Variants in ITGA2 observed in about 807,000 individuals in gnomAD.
ITGA2 encodes integrin subunit alpha 2, also known as integrin alpha-2.
In ITGA2, 101 loss-of-function variants were observed where a neutral mutation model predicts 146.3. The observed-to-expected ratio is 0.69, with a 90% CI of 0.59 to 0.81. The LOEUF (loss-of-function observed/expected upper bound fraction) is 0.81. ITGA2 is among the 40% of genes least tolerant of loss of function. The probability of loss-of-function intolerance (pLI) is 0.00; values close to 1 mark genes in which losing one functional copy is unlikely to be tolerated. For missense variants in ITGA2, 1,281 were observed against 1,402.7 expected, an observed-to-expected ratio of 0.91 and a Z score of 1.39; for synonymous variants, 477 against 487.1, an observed-to-expected ratio of 0.98 and a Z score of 0.27.
chr5:53,080,417 C>G, intron 24 of ITGA2, 94 bp from the exon 25 acceptor site: 3 of 913,626 alleles, frequency 3.3e-6, no homozygotes, highest in Non-Finnish European at 5.5e-6. Flanking sequence ...CTTACCACCT[C>G]GTAGTTGCCC....
In ITGA2 at chr5:53,065,873, C is replaced by T. The variant is rs1745123289; in HGVS notation, c.1839C>T (p.Ser613=). 6.2e-7 allele frequency: 1 copy of T among 1,611,814 alleles called. No homozygotes were observed. The highest frequency in any genetic ancestry group is 1.7e-5 in the Admixed American group (1 of 59,790). Reference sequence around the variant, plus strand: ...TGGGATCCGATGGAGCCTTTAGGAGCCATCTCCAGTACTTTGGGAGGTCCT... The same window carrying T: ...TGGGATCCGATGGAGCCTTTAGGAGTCATCTCCAGTACTTTGGGAGGTCCT... The part of the protein sequence containing the change: ...KILGSDGAFR[S]HLQYFGRSLD... Residue 613 remains serine, a synonymous_variant, in exon 15 of 30, where the codon AGC becomes AGT. Coordinates refer to ENST00000296585, the MANE Select transcript of ITGA2 (RefSeq NM_002203.4).
At chr5:53,066,845 C>G (rs965052322) in intron 15 of ITGA2, among the ~76,000 whole-genome samples, 1 of 151,572 alleles carries the variant, frequency 6.6e-6, no homozygotes, top group Non-Finnish European at 1.5e-5. Flanking sequence ...AGTAGCATAT[C>G]AAGAGTAAAT....
chr5:53,009,742 A>G (rs1198246849), intron 1 of ITGA2, among the ~76,000 whole-genome samples: 1 of 152,118 alleles, frequency 6.6e-6, no homozygotes, highest in African/African-American at 2.4e-5. Context: ...TGCAATCCCC[A>G]GTGTGATGGC....
intron 23 of ITGA2, among the ~76,000 whole-genome samples, chr5:53,075,998 T>C (rs1040036319): frequency 1.3e-5 from 2 of 152,062 alleles, no homozygotes; most frequent in Non-Finnish European, 2.9e-5. Context: ...CTGTCTTTAA[T>C]TGTTCAGAGG....
intron 9 of ITGA2, 101 bp from the exon 10 acceptor site, chr5:53,057,912 GTGTGTTTGTGTT>G (rs138672396): frequency 1.6e-4 from 122 of 753,470 alleles, no homozygotes; most frequent in Admixed American, 2.6e-4. Flanking sequence ...TTGGAACAGT[GTGTGTTTGTGTT>G]TGTGTTTGTA....
chr5:52,993,880 C>T lies in ITGA2; in HGVS notation c.64+4348C>T, dbSNP rs566421633. 2.6e-5 allele frequency among the ~76,000 whole-genome samples: 4 copies of T among 152,042 alleles called. No individual in the cohort carries two copies. In the East Asian group the frequency reaches 5.8e-4, roughly 22 times the overall value. On this transcript the variant is annotated intron_variant, in intron 1 of 29. Transcript: ENST00000296585. ...GTAAAAGATTTAGCACAGCATAAAA[C>T]AAGAGAAACCATGAAAGATCACCGC...
chr5:53,094,029 A>T lies in ITGA2; in HGVS notation c.*3430A>T, dbSNP rs1740578675. ...AGTCACACAAGTGATTATACTAAAA[A>T]TTATTATAAAGGTTATAATTTTATA... On this transcript the variant is annotated 3_prime_UTR_variant, in exon 30 of 30. Transcript: ENST00000296585. 6.6e-6 allele frequency: 1 copy of T among 152,606 alleles called. No homozygotes were observed. The highest frequency in any genetic ancestry group is 1.5e-5 in the Non-Finnish European group (1 of 68,020). The allele number at this position is 152,606 out of a possible 1,614,324, so 9.5% of individuals were successfully genotyped here.
At chr5:53,070,743 A>G (rs1745355423) in intron 17 of ITGA2, among the ~76,000 whole-genome samples, 1 of 151,914 alleles carries the variant, frequency 6.6e-6, no homozygotes, top group East Asian at 1.9e-4. Flanking sequence ...TACTGTATTT[A>G]ACATGGATTT....
rs774630043 is a variant in ITGA2 at position 53,090,044 on chromosome 5, G to A, written c.3447G>A (p.Leu1149=). The change falls in exon 29 of 30, where the codon CTG becomes CTA. Residue 1149 remains leucine (L), a synonymous_variant. Transcript: ENST00000296585. ...CTGGAATCCTTTTGCTGTTAGCTCT[G>A]GTTGCAATTTTATGGAAGGTAAGAA... The part of the protein sequence containing the change: ...IIAGILLLLA[L]VAILWKLGFF... 1.1e-5 allele frequency: 17 copies of A among 1,607,516 alleles called. No homozygotes were observed. In the African/African-American group the frequency reaches 1.9e-4, roughly 18 times the overall value.
chr5:53,090,455 G>A, intron 29 of ITGA2, 64 bp from the exon 30 acceptor site: 1 of 1,396,644 alleles, frequency 7.2e-7, no homozygotes, highest in Non-Finnish European at 1.0e-6. Flanking sequence ...GCAGCCAAGG[G>A]GGTCAGAGGC....
chr5:53,022,766 G>A (rs1403904074), intron 1 of ITGA2, among the ~76,000 whole-genome samples: 1 of 152,114 alleles, frequency 6.6e-6, no homozygotes, highest in African/African-American at 2.4e-5. Flanking sequence ...AGGTCTCATT[G>A]TGCTGCCAAG....
intron 1 of ITGA2, among the ~76,000 whole-genome samples, chr5:53,007,976 C>A (rs1411708923): frequency 6.6e-6 from 1 of 152,022 alleles, no homozygotes; most frequent in African/African-American, 2.4e-5. Flanking sequence ...GTATATCTGT[C>A]CTTATATTTA....
At position 53,079,302 on chromosome 5, in the gene ITGA2, G is replaced by A. The variant is rs530516807; in HGVS notation, c.2928+428G>A. Among the ~76,000 whole-genome samples, 7 of 152,194 alleles carry A rather than the reference G, an allele frequency of 4.6e-5. No individual in the cohort carries two copies. The South Asian group carries it at 1.4e-3, about 32-fold the overall frequency. ...ACTATAAAGGAAGGTATTGCTGTGGGTAAAAGTCTTTGGCATATAATTATT... is the reference window on the plus strand; with the variant it reads ...ACTATAAAGGAAGGTATTGCTGTGGATAAAAGTCTTTGGCATATAATTATT... On this transcript the variant is annotated intron_variant, in intron 24 of 29. Transcript: ENST00000296585.
intron 2 of ITGA2, among the ~76,000 whole-genome samples, chr5:53,037,398 A>G (rs893850201): frequency 6.6e-6 from 1 of 152,224 alleles, no homozygotes; most frequent in East Asian, 1.9e-4. Context: ...CCATTACTTC[A>G]AAGAGGTTTC....
rs979561443 is a variant in ITGA2 at position 53,059,996 on chromosome 5, T to A, written c.1296T>A (p.Asn432Lys). 6.2e-7 allele frequency: 1 copy of A among 1,612,110 alleles called. No homozygotes were observed. Among genetic ancestry groups the A allele is most frequent in the Non-Finnish European group, 8.5e-7 (1 of 1,178,840 alleles). ...QAFDQILQDR[N>K]HSSYLGYSVA... ...TTGACCAAATTCTGCAGGACAGAAA[T>A]CACAGTTCATATTTAGGTAAGGCAT... The change falls in exon 11 of 30, where the codon AAT (asparagine) becomes AAA (lysine). Residue 432 changes from asparagine (N) to lysine (K), a missense_variant. Transcript: ENST00000296585.
chr5:53,089,974 A>G lies in ITGA2; in HGVS notation c.3377A>G (p.Glu1126Gly), dbSNP rs1229100358. 6.2e-7 allele frequency: 1 copy of G among 1,612,222 alleles called. No homozygotes were observed. Among genetic ancestry groups the G allele is most frequent in the Admixed American group, 1.7e-5 (1 of 60,024 alleles). Reference protein sequence around the residue: ...TIPLMIMKPDEKAEVPTGVII... With the variant: ...TIPLMIMKPDGKAEVPTGVII... ...CCCCTGATGATAATGAAACCTGATG[A>G]GAAAGCCGAAGTACCAACAGGAGTT... Residue 1126 changes from glutamate to glycine, a missense_variant, in exon 29 of 30, where the codon GAG (glutamate) becomes GGG (glycine). Coordinates refer to ENST00000296585, the MANE Select transcript of ITGA2 (RefSeq NM_002203.4).
intron 4 of ITGA2, among the ~76,000 whole-genome samples, chr5:53,046,206 A>G (rs1014760503): frequency 4.6e-5 from 7 of 151,564 alleles, no homozygotes; most frequent in East Asian, 1.9e-4. Flanking sequence ...AAAAAAAAAA[A>G]AAAAAAAAAG....
chr5:53,062,901 GAAGA>G lies in ITGA2; in HGVS notation c.1575_1578del (p.Arg526SerfsTer46). The G allele has an allele frequency of 1.9e-6, 3 of 1,610,016 alleles. No individual in the cohort carries two copies. Among genetic ancestry groups the G allele is most frequent in the Non-Finnish European group, 1.7e-6 (2 of 1,177,646 alleles). The stretch of plus-strand genomic sequence containing the variant: ...ATGAGTGACCTAAAGAAAGAGGAAG[GAAGA>G]GTCTACCTGTTTACTATCAAAGAGG... On this transcript the variant is annotated frameshift_variant, in exon 13 of 30. Coordinates refer to ENST00000296585, the MANE Select transcript of ITGA2 (RefSeq NM_002203.4). LOFTEE classifies it high-confidence loss of function.
chr5:53,045,014 T>G lies in ITGA2; in HGVS notation c.309T>G (p.Ile103Met). 10 of 1,613,474 alleles carry G rather than the reference T, an allele frequency of 6.2e-6. No individual in the cohort carries two copies. The highest frequency in any genetic ancestry group is 8.5e-6 in the Non-Finnish European group (10 of 1,179,454). ...TCCCTTTGAAAGCTTCAACAAGCAT[T>G]CCAAATGTTACTGAGATGAAAACCA... Reference protein sequence around the residue: ...EKLNLQTSTSIPNVTEMKTNM... With the variant: ...EKLNLQTSTSMPNVTEMKTNM... Residue 103 changes from isoleucine (I) to methionine (M), a missense_variant, in exon 4 of 30, where the codon ATT becomes ATG. By Grantham distance (10) the Ile-to-Met change is conservative. Transcript: ENST00000296585.
Sources: gnomAD v4.1 joint callset for allele counts (sites outside exome capture counted in the v4.1 genomes callset) on GRCh38, gnomAD v4.1.1 for gene constraint, MANE v1.5 for transcripts, NCBI Gene and HGNC (gene_info 2026-07-23, HGNC 2026-07-21) for gene names.